GUCY1A1: variants seen among roughly 807,000 people sequenced by gnomAD.
GUCY1A1 encodes guanylate cyclase 1 soluble subunit alpha 1.
Under a neutral mutation model 64.5 loss-of-function variants are expected in GUCY1A1, and 48 were observed. The observed-to-expected ratio is 0.74, with a 90% CI of 0.59 to 0.95. GUCY1A1 has a LOEUF of 0.95. Among genes scored for constraint, GUCY1A1 ranks in the 40% least tolerant of loss-of-function variants. GUCY1A1 has a pLI of 0.00. For missense variants in GUCY1A1, 804 were observed against 825.3 expected (o/e 0.97, Z 0.32); for synonymous variants, 308 against 303.4 (o/e 1.02, Z -0.16).
intron 4 of GUCY1A1, 33 bp from the exon 5 acceptor site, chr4:155,708,203 A>C (rs768564159): frequency 8.8e-5 from 90 of 1,021,798 alleles, no homozygotes; most frequent in Non-Finnish European, 1.3e-4. Context: ...TGTATTTATA[A>C]GTTTATAACT....
At chr4:155,729,847 T>C (rs1049577961) in intron 9 of GUCY1A1, among the ~76,000 whole-genome samples, 183 bp from the exon 10 acceptor site, 2 of 151,872 alleles carry the variant, frequency 1.3e-5, no homozygotes, top group Non-Finnish European at 2.9e-5. Flanking sequence ...AATTTTCTTG[T>C]TGTGAATTGA....
intron 8 of GUCY1A1, 64 bp from the exon 9 acceptor site, chr4:155,721,974 G>C: frequency 9.0e-7 from 1 of 1,111,128 alleles, no homozygotes. Flanking sequence ...GTATTCAAAC[G>C]ACACTGACGA....
chr4:155,674,713 C>A (rs1268599516), intron 2 of GUCY1A1, among the ~76,000 whole-genome samples: 1 of 151,476 alleles, frequency 6.6e-6, no homozygotes, highest in Non-Finnish European at 1.5e-5. Context: ...GAACAGTCCT[C>A]GCCTATGAAT....
intron 2 of GUCY1A1, 158 bp downstream of exon 2, chr4:155,667,577 C>A (rs1198413044): frequency 6.6e-6 from 1 of 152,160 alleles, no homozygotes; most frequent in Admixed American, 6.5e-5. Context: ...GGTTCCCACG[C>A]TGGGGAGGAG....
At chr4:155,727,493 G>T (rs61343661) in intron 9 of GUCY1A1, among the ~76,000 whole-genome samples, 75,051 of 151,470 alleles carry the variant, frequency 0.5, 20,148 homozygotes, top group African/African-American at 0.71. Context: ...CTGAATATAT[G>T]TATATAATAC....
intron 9 of GUCY1A1, among the ~76,000 whole-genome samples, chr4:155,727,237 C>T (rs529293012): frequency 7.2e-5 from 11 of 151,882 alleles, no homozygotes; most frequent in Non-Finnish European, 1.5e-4. Context: ...AAGCTTTCAT[C>T]GAAATGGTTT....
chr4:155,711,562 G>A (rs1732578460), intron 6 of GUCY1A1, among the ~76,000 whole-genome samples: 1 of 152,064 alleles, frequency 6.6e-6, no homozygotes, highest in Non-Finnish European at 1.5e-5. Flanking sequence ...AGCTGACTTA[G>A]GTTGAATAAT....
At chr4:155,725,524 A>G (rs886735736) in intron 9 of GUCY1A1, among the ~76,000 whole-genome samples, 2 of 152,108 alleles carry the variant, frequency 1.3e-5, no homozygotes, top group African/African-American at 2.4e-5. Flanking sequence ...TGTTATGTGT[A>G]TATGTGCATA....
intron 9 of GUCY1A1, among the ~76,000 whole-genome samples, chr4:155,724,645 G>T (rs1183726017): frequency 2.0e-5 from 3 of 151,860 alleles, no homozygotes; most frequent in Non-Finnish European, 4.4e-5. Flanking sequence ...ACTACCCCAT[G>T]TCTACACCTT....
intron 2 of GUCY1A1, among the ~76,000 whole-genome samples, chr4:155,681,705 A>G (rs543931218): frequency 7.0e-4 from 106 of 152,268 alleles, no homozygotes; most frequent in African/African-American, 2.1e-3. Flanking sequence ...TCCAGTCCTT[A>G]AACATGAGGA....
At chr4:155,721,474 C>T (rs1733950493) in intron 8 of GUCY1A1, among the ~76,000 whole-genome samples, 2 of 152,104 alleles carry the variant, frequency 1.3e-5, no homozygotes, top group Admixed American at 6.6e-5. Flanking sequence ...CCACTTTCTG[C>T]TTCCTCTGTC....
Position 155,731,241 on chromosome 4 carries a change from T to C in GUCY1A1, c.*1010T>C, listed in dbSNP as rs930650366. The stretch of plus-strand genomic sequence containing the variant: ...TGCCATGCTGAGCTGTTTAAAGTTT[T>C]AAGAAGAAAATCTAAGTATGGAAGT... On this transcript the variant is annotated 3_prime_UTR_variant, in exon 10 of 10. Coordinates refer to ENST00000506455, the MANE Select transcript of GUCY1A1 (RefSeq NM_001130682.3). 3 of 151,894 alleles carry C rather than the reference T, an allele frequency of 2.0e-5. No individual in the cohort carries two copies. Among genetic ancestry groups the C allele is most frequent in the African/African-American group, 7.2e-5 (3 of 41,426 alleles). 9.4% of individuals were successfully genotyped at this position (151,894 alleles called of 1,614,324 possible).
chr4:155,702,116 C>T (rs1731162993), intron 3 of GUCY1A1, among the ~76,000 whole-genome samples: 1 of 152,126 alleles, frequency 6.6e-6, no homozygotes, highest in African/African-American at 2.4e-5. Context: ...AAAACCGACA[C>T]TCTCTGCCCT....
At chr4:155,675,250 G>C (rs1003744474) in intron 2 of GUCY1A1, among the ~76,000 whole-genome samples, 1 of 151,656 alleles carries the variant, frequency 6.6e-6, no homozygotes, top group East Asian at 1.9e-4. Flanking sequence ...AATAAAATAA[G>C]TGACAAGGAG....
At chr4:155,677,088 T>C (rs1410323640) in intron 2 of GUCY1A1, among the ~76,000 whole-genome samples, 1 of 152,044 alleles carries the variant, frequency 6.6e-6, no homozygotes, top group African/African-American at 2.4e-5. Context: ...TTTTATTTCT[T>C]TGTTTTTGTT....
intron 2 of GUCY1A1, among the ~76,000 whole-genome samples, chr4:155,680,965 ATG>A (rs963344034): frequency 1.4e-4 from 21 of 150,414 alleles, no homozygotes; most frequent in South Asian, 8.4e-4. Flanking sequence ...ACACACACAC[ATG>A]CACACACACA....
At chr4:155,708,974 G>A (rs1343574935) in intron 5 of GUCY1A1, among the ~76,000 whole-genome samples, 4 of 152,098 alleles carry the variant, frequency 2.6e-5, no homozygotes, top group South Asian at 2.1e-4. Flanking sequence ...ATCATACAGA[G>A]CACCCTTGAC....
rs904987664 is a variant in GUCY1A1 at position 155,732,101 on chromosome 4, G to T, written c.*1870G>T. ...TAAAGAAAATGTAAAAGCATGAAAT[G>T]GAATGTAGTCTTGATCAAACATTTC... On this transcript the variant is annotated 3_prime_UTR_variant, in exon 10 of 10. Transcript: ENST00000506455. 4 of 151,764 alleles carry T rather than the reference G, an allele frequency of 2.6e-5. No homozygotes were observed. The highest frequency in any genetic ancestry group is 9.7e-5 in the African/African-American group (4 of 41,388). The allele number at this position is 151,764 out of a possible 1,614,324, so 9.4% of individuals were successfully genotyped here. A position where few individuals can be genotyped will look rare whatever the true frequency, so the allele number is the denominator to read the frequency against.
chr4:155,667,116 A>AC (rs2126443318), intron 1 of GUCY1A1, 151 bp downstream of exon 1: 1 of 152,386 alleles, frequency 6.6e-6, no homozygotes, highest in Admixed American at 6.5e-5. Context: ...ACACAGAGAG[A>AC]CAAAGGCAAG....
Sources: allele counts gnomAD v4.1 joint callset (sites outside exome capture counted in the v4.1 genomes callset), GRCh38; gene constraint gnomAD v4.1.1; transcripts MANE v1.5; gene names NCBI Gene and HGNC (gene_info 2026-07-23, HGNC 2026-07-21).